OSBPL10: variants seen among roughly 807,000 people sequenced by gnomAD.
The protein encoded by OSBPL10 is oxysterol-binding protein-related protein 10.
In OSBPL10, 49 loss-of-function variants were observed where a neutral mutation model predicts 81.7. That is an observed-to-expected ratio of 0.60 (90% confidence interval 0.48 to 0.76). The LOEUF is 0.76. OSBPL10 is among the 30% of genes least tolerant of loss of function. The pLI is 0.00. For missense variants in OSBPL10, 923 were observed against 987.8 expected, an observed-to-expected ratio of 0.93 and a Z score of 0.88; for synonymous variants, 419 against 383.6, an observed-to-expected ratio of 1.09 and a Z score of -1.08.
intron 1 of OSBPL10, among the ~76,000 whole-genome samples, chr3:31,959,070 T>G: frequency 6.6e-6 from 1 of 151,966 alleles, no homozygotes. Context: ...AGTTCAAGAG[T>G]GGAGACGCAC....
intron 2 of OSBPL10, among the ~76,000 whole-genome samples, chr3:32,044,072 A>C (rs1699601349): frequency 6.6e-6 from 1 of 152,196 alleles, no homozygotes; most frequent in African/African-American, 2.4e-5. Context: ...AACAAGCCTG[A>C]ACATGTATCC....
At chr3:31,754,066 C>T (rs982518527) in intron 4 of OSBPL10, among the ~76,000 whole-genome samples, 9 of 152,260 alleles carry the variant, frequency 5.9e-5, no homozygotes, top group South Asian at 2.1e-4. Flanking sequence ...AATGAGCTGC[C>T]GACTTTTTCT....
intron 1 of OSBPL10, among the ~76,000 whole-genome samples, chr3:31,881,292 A>T (rs1695571267): frequency 6.6e-6 from 1 of 152,320 alleles, no homozygotes; most frequent in Non-Finnish European, 1.5e-5. Context: ...AGGAATGAAT[A>T]AAGAAAAAAA....
At chr3:31,936,058 G>A (rs1031328277) in intron 1 of OSBPL10, among the ~76,000 whole-genome samples, 1 of 152,080 alleles carries the variant, frequency 6.6e-6, no homozygotes, top group Non-Finnish European at 1.5e-5. Context: ...CTCAACTCCT[G>A]AACTGTCATT....
At chr3:31,997,972 T>C (rs1421606493) in intron 2 of OSBPL10, among the ~76,000 whole-genome samples, 1 of 151,992 alleles carries the variant, frequency 6.6e-6, no homozygotes, top group Non-Finnish European at 1.5e-5. Context: ...TTTTATTTTT[T>C]TGTAGAGACT....
chr3:31,872,824 A>G (rs553805359), intron 3 of OSBPL10, among the ~76,000 whole-genome samples: 1 of 152,144 alleles, frequency 6.6e-6, no homozygotes, highest in South Asian at 2.1e-4. Flanking sequence ...GGGTTTCGCC[A>G]TGTTGCCCAG....
In OSBPL10 at chr3:31,802,968, C is replaced by CTT. The variant is rs376218656; in HGVS notation, c.729+27070_729+27071dup. Among the ~76,000 whole-genome samples the CTT allele has an allele frequency of 3.7e-3, 478 of 129,976 alleles. 5 individuals carry two copies. Among genetic ancestry groups the CTT allele is most frequent in the African/African-American group, 0.013 (428 of 33,110 alleles). The allele number at this position is 129,976 out of a possible 152,430, so 85.3% of individuals were successfully genotyped here. A position where few individuals can be genotyped will look rare whatever the true frequency, so the allele number is the denominator to read the frequency against. On this transcript the variant is annotated intron_variant, in intron 4 of 11. Transcript: ENST00000396556. ...CTTATTTAGACAATGGTATTGGGTC[C>CTT]TTTTTTTTTTTTTTTTTTTTTTTAC...
Position 31,954,978 on chromosome 3 carries a change from C to A in OSBPL10, c.281+25921G>T, listed in dbSNP as rs182033151. Among the ~76,000 whole-genome samples, 13 of 152,256 alleles carry A rather than the reference C, an allele frequency of 8.5e-5. No individual in the cohort carries two copies. In the East Asian group the frequency reaches 1.9e-3, roughly 23 times the overall value. Reference sequence around the variant, plus strand: ...CAGGTGGTAGATACTTGTGTGTTTACTGTACAATTCTTTCAACATTTCTGT... The same window carrying A: ...CAGGTGGTAGATACTTGTGTGTTTAATGTACAATTCTTTCAACATTTCTGT... On this transcript the variant is annotated intron_variant, in intron 1 of 11. Transcript: ENST00000396556.
intron 4 of OSBPL10, among the ~76,000 whole-genome samples, chr3:31,824,139 C>G (rs540101325): frequency 6.6e-6 from 1 of 152,276 alleles, no homozygotes; most frequent in Non-Finnish European, 1.5e-5. Context: ...GAATTATAGG[C>G]ATGAGCCACC....
intron 1 of OSBPL10, among the ~76,000 whole-genome samples, chr3:31,882,458 C>A (rs952176849): frequency 3.3e-5 from 5 of 152,218 alleles, no homozygotes; most frequent in African/African-American, 1.2e-4. Flanking sequence ...CCCACCCAAG[C>A]CCTGCTGAAT....
chr3:31,757,302 A>T (rs1697916267), intron 4 of OSBPL10, among the ~76,000 whole-genome samples: 2 of 152,122 alleles, frequency 1.3e-5, no homozygotes, highest in African/African-American at 2.4e-5. Context: ...TGTTCTTATA[A>T]AAAGGGGAAA....
At chr3:31,733,683 GTGTTTT>G (rs1442660867) in intron 5 of OSBPL10, among the ~76,000 whole-genome samples, 1 of 109,958 alleles carries the variant, frequency 9.1e-6, no homozygotes, top group Non-Finnish European at 1.8e-5. Context: ...CCAGATAAAG[GTGTTTT>G]TTTTTTTTTT....
intron 4 of OSBPL10, among the ~76,000 whole-genome samples, chr3:31,754,957 A>G (rs919720983): frequency 1.3e-5 from 2 of 152,062 alleles, no homozygotes; most frequent in Admixed American, 6.6e-5. Flanking sequence ...TTAGGCTGGA[A>G]GTCTCATGTT....
At chr3:31,861,617 A>G (rs553559978) in intron 3 of OSBPL10, among the ~76,000 whole-genome samples, 52 of 152,306 alleles carry the variant, frequency 3.4e-4, no homozygotes, top group Admixed American at 2.7e-3. Context: ...TAATACCATT[A>G]ATATTATTGG....
At chr3:31,825,329 ATTTT>A (rs566679123) in intron 4 of OSBPL10, among the ~76,000 whole-genome samples, 8 of 150,576 alleles carry the variant, frequency 5.3e-5, no homozygotes, top group African/African-American at 2.0e-4. Context: ...CAGTCCAAGA[ATTTT>A]TTTTTTAAGA....
intron 4 of OSBPL10, among the ~76,000 whole-genome samples, chr3:31,765,620 G>C (rs1698173001): frequency 6.6e-6 from 1 of 152,138 alleles, no homozygotes; most frequent in Non-Finnish European, 1.5e-5. Context: ...GCCACTATGA[G>C]ATGGATCCAT....
intron 9 of OSBPL10, among the ~76,000 whole-genome samples, 180 bp downstream of exon 9, chr3:31,670,617 G>T (rs1017961826): frequency 2.0e-5 from 3 of 152,118 alleles, no homozygotes; most frequent in African/African-American, 7.2e-5. Flanking sequence ...TTTAGGGTGG[G>T]GAGGACTCCA....
At chr3:31,764,138 T>A (rs963089792) in intron 4 of OSBPL10, among the ~76,000 whole-genome samples, 1 of 152,238 alleles carries the variant, frequency 6.6e-6, no homozygotes, top group South Asian at 2.1e-4. Flanking sequence ...TAGAACTGCT[T>A]TCTACTCCTT....
intron 2 of OSBPL10, among the ~76,000 whole-genome samples, chr3:32,000,207 C>T (rs1205867314): frequency 6.6e-6 from 1 of 152,148 alleles, no homozygotes; most frequent in Non-Finnish European, 1.5e-5. Flanking sequence ...CTGCTCTCGC[C>T]ACATAATTTC....
Sources: allele counts gnomAD v4.1 joint callset (sites outside exome capture counted in the v4.1 genomes callset), GRCh38; gene constraint gnomAD v4.1.1; transcripts MANE v1.5; gene names NCBI Gene and HGNC (gene_info 2026-07-23, HGNC 2026-07-21).